SLC12A6: variants seen among roughly 807,000 people sequenced by gnomAD.
SLC12A6 encodes the protein solute carrier family 12 member 6.
SLC12A6 carries 66 observed loss-of-function variants against 135.3 expected under a neutral mutation model. That is an observed-to-expected ratio of 0.49 (90% confidence interval 0.40 to 0.60). The LOEUF is 0.60. Among genes scored for constraint, SLC12A6 ranks in the 20% least tolerant of loss-of-function variants. The pLI is 0.00. For synonymous variants in SLC12A6, 513 were observed against 508.8 expected, an observed-to-expected ratio of 1.01 and a Z score of -0.11; for missense variants, 1,058 against 1,452.3, an observed-to-expected ratio of 0.73 and a Z score of 4.41.
chr15:34,234,507 G>A (rs1378437185), intron 25 of SLC12A6, among the ~76,000 whole-genome samples: 2 of 152,064 alleles, frequency 1.3e-5, no homozygotes, highest in African/African-American at 4.8e-5. Flanking sequence ...GAGTAGCTGG[G>A]ATTACAGGCA....
At chr15:34,336,906 GA>G (rs987214632) in intron 1 of SLC12A6, 154 bp from the exon 2 acceptor site, 1 of 582,938 alleles carries the variant, frequency 1.7e-6, no homozygotes, top group East Asian at 2.9e-5. Context: ...TTTTAAGAGA[GA>G]AAAAAACAAA....
chr15:34,275,280 G>T, intron 3 of SLC12A6, 65 bp downstream of exon 3: 1 of 822,200 alleles, frequency 1.2e-6, no homozygotes, highest in African/African-American at 1.7e-5. Context: ...AGGGAGTAAT[G>T]TCTGTTAGGA....
At chr15:34,250,777 G>T in intron 11 of SLC12A6, 48 bp from the exon 12 acceptor site, 2 of 1,369,972 alleles carry the variant, frequency 1.5e-6, no homozygotes, top group Middle Eastern at 1.8e-4. Flanking sequence ...TGGACACTTT[G>T]ATATTGATAC....
intron 3 of SLC12A6, among the ~76,000 whole-genome samples, chr15:34,266,190 T>C (rs1474898765): frequency 4.0e-5 from 6 of 151,862 alleles, no homozygotes; most frequent in Admixed American, 2.6e-4. Flanking sequence ...TTATAAGAGA[T>C]ATAAGGACAT....
At position 34,309,714 on chromosome 15, in the gene SLC12A6, G is replaced by T. The variant is rs527693560; in HGVS notation, c.271+26696C>A. Reference sequence around the variant, plus strand: ...CAGAATTGGGAAGATATTTCAGAGAGGTATTAGTCTTTCTGACAATGGCTG... The same window carrying T: ...CAGAATTGGGAAGATATTTCAGAGATGTATTAGTCTTTCTGACAATGGCTG... On this transcript the variant is annotated intron_variant, in intron 2 of 25. Transcript: ENST00000354181. Among the ~76,000 whole-genome samples the T allele has an allele frequency of 6.6e-5, 10 of 152,292 alleles. No homozygotes were observed. The South Asian group carries it at 2.1e-3, about 32-fold the overall frequency.
chr15:34,289,494 A>G (rs1895362883), intron 2 of SLC12A6, among the ~76,000 whole-genome samples: 2 of 152,222 alleles, frequency 1.3e-5, no homozygotes, highest in Admixed American at 6.5e-5. Flanking sequence ...CTGGCCTCAT[A>G]AAATGAGTTA....
intron 2 of SLC12A6, among the ~76,000 whole-genome samples, chr15:34,299,027 T>C (rs978715446): frequency 2.6e-5 from 4 of 152,222 alleles, no homozygotes; most frequent in Non-Finnish European, 4.4e-5. Flanking sequence ...CCCAAACATT[T>C]TGTGAAGATC....
chr15:34,269,302 A>AT (rs34450731), intron 3 of SLC12A6, among the ~76,000 whole-genome samples: 15,256 of 150,242 alleles, frequency 0.1, 837 homozygotes, highest in South Asian at 0.15. Context: ...TTCATGGCAT[A>AT]TTTTTTTTTT....
rs76634282 is a variant in SLC12A6, at chr15:34,334,294, C to T, written c.271+2116G>A. On this transcript the variant is annotated intron_variant, in intron 2 of 25. Transcript: ENST00000354181. Reference sequence around the variant, plus strand: ...TGTAAATACTAAAATAGCAAACTAACTGTGAAATGCACTATGAGCTTAAGG... The same window carrying T: ...TGTAAATACTAAAATAGCAAACTAATTGTGAAATGCACTATGAGCTTAAGG... Among the ~76,000 whole-genome samples, 1,221 of 152,258 alleles carry T rather than the reference C, an allele frequency of 8.0e-3. 18 individuals carry two copies. The highest frequency in any genetic ancestry group is 0.028 in the African/African-American group (1,172 of 41,554).
At chr15:34,326,093 C>T (rs1037650061) in intron 2 of SLC12A6, among the ~76,000 whole-genome samples, 7 of 152,192 alleles carry the variant, frequency 4.6e-5, no homozygotes, top group Admixed American at 3.3e-4. Context: ...CCAAAGCAGG[C>T]ATTATCAAAT....
chr15:34,297,871 G>C (rs1309787650), intron 2 of SLC12A6, among the ~76,000 whole-genome samples: 1 of 152,126 alleles, frequency 6.6e-6, no homozygotes, highest in Non-Finnish European at 1.5e-5. Context: ...TTTTAGGCAA[G>C]GAAACATGAG....
intron 1 of SLC12A6, chr15:34,337,127 G>A: frequency 3.7e-6 from 1 of 273,692 alleles, no homozygotes; most frequent in South Asian, 3.5e-5. Flanking sequence ...GGCGAAGTGC[G>A]TGCAGGCAAA....
intron 24 of SLC12A6, 137 bp from the exon 25 acceptor site, chr15:34,235,451 T>TTTTTTTTG (rs1891192680): frequency 1.4e-6 from 1 of 691,310 alleles, no homozygotes; most frequent in Non-Finnish European, 2.4e-6. Context: ...TTTTTTTTTT[T>TTTTTTTTG]GAGAGGGAGT....
intron 19 of SLC12A6, 45 bp from the exon 20 acceptor site, chr15:34,239,205 A>C: frequency 7.2e-7 from 1 of 1,384,556 alleles, no homozygotes; most frequent in Non-Finnish European, 1.0e-6. Context: ...TTCACTCTGG[A>C]CATTTTAACC....
intron 2 of SLC12A6, among the ~76,000 whole-genome samples, chr15:34,328,956 T>C (rs1367678928): frequency 6.6e-6 from 1 of 152,204 alleles, no homozygotes; most frequent in African/African-American, 2.4e-5. Context: ...TAACAGAGAA[T>C]AGCTTCTTGT....
intron 2 of SLC12A6, among the ~76,000 whole-genome samples, chr15:34,281,071 G>C (rs1894647323): frequency 6.6e-6 from 1 of 152,154 alleles, no homozygotes; most frequent in Non-Finnish European, 1.5e-5. Flanking sequence ...GGGATAGGAA[G>C]AGATTTGTTA....
chr15:34,288,383 T>G (rs1408313879), intron 2 of SLC12A6, among the ~76,000 whole-genome samples: 38 of 152,256 alleles, frequency 2.5e-4, no homozygotes. Flanking sequence ...TTGGATACTG[T>G]AGCCTCGTAG....
At chr15:34,321,044 T>C (rs907247494) in intron 2 of SLC12A6, among the ~76,000 whole-genome samples, 7 of 152,206 alleles carry the variant, frequency 4.6e-5, no homozygotes, top group Non-Finnish European at 1.0e-4. Context: ...AAACTTTACA[T>C]CACGATCTCA....
At chr15:34,316,398 TA>T (rs143952554) in intron 2 of SLC12A6, among the ~76,000 whole-genome samples, 2 of 152,154 alleles carry the variant, frequency 1.3e-5, no homozygotes, top group African/African-American at 2.4e-5. Flanking sequence ...CTCCTAGGTT[TA>T]AAAAAACAAA....
Sources: gnomAD v4.1 joint callset for allele counts (sites outside exome capture counted in the v4.1 genomes callset) on GRCh38, gnomAD v4.1.1 for gene constraint, MANE v1.5 for transcripts, NCBI Gene and HGNC (gene_info 2026-07-23, HGNC 2026-07-21) for gene names.